Variants in NKAIN3 observed in about 807,000 individuals in gnomAD.
NKAIN3 encodes sodium/potassium transporting ATPase interacting 3.
Under a neutral mutation model 30.2 loss-of-function variants are expected in NKAIN3, and 25 were observed. That is an observed-to-expected ratio of 0.83 (90% CI 0.60 to 1.16). The LOEUF is 1.16. NKAIN3 is among the 50% of genes most tolerant of loss of function. NKAIN3 has a pLI of 0.00. For missense variants in NKAIN3, 225 were observed against 254.1 expected, an observed-to-expected ratio of 0.89 and a Z score of 0.78; for synonymous variants, 91 against 89.6, an observed-to-expected ratio of 1.02 and a Z score of -0.09.
intron 1 of NKAIN3, among the ~76,000 whole-genome samples, chr8:62,338,988 T>TTAAC (rs1347102391): frequency 6.6e-6 from 1 of 152,034 alleles, no homozygotes; most frequent in Non-Finnish European, 1.5e-5. Flanking sequence ...ATACTCAGTA[T>TTAAC]TAACCATCAC....
At chr8:62,502,711 T>G (rs140143665) in intron 1 of NKAIN3, among the ~76,000 whole-genome samples, 53 of 152,330 alleles carry the variant, frequency 3.5e-4, no homozygotes, top group African/African-American at 1.1e-3. Context: ...ATTTGTATTG[T>G]ATATACCAGT....
intron 4 of NKAIN3, among the ~76,000 whole-genome samples, chr8:62,871,486 G>A (rs1820644443): frequency 6.6e-6 from 1 of 151,682 alleles, no homozygotes; most frequent in Admixed American, 6.6e-5. Context: ...TGTGTGTGAT[G>A]AGAACACTTA....
At chr8:62,492,454 A>G (rs544153693) in intron 1 of NKAIN3, among the ~76,000 whole-genome samples, 9 of 152,198 alleles carry the variant, frequency 5.9e-5, no homozygotes, top group Admixed American at 3.3e-4. Context: ...ACTGGATACT[A>G]TATCTGTTGC....
intron 1 of NKAIN3, among the ~76,000 whole-genome samples, chr8:62,339,816 A>T (rs1218955079): frequency 6.6e-6 from 1 of 152,066 alleles, no homozygotes; most frequent in Non-Finnish European, 1.5e-5. Flanking sequence ...ATAATGTAAG[A>T]ACGGTGGGCT....
intron 4 of NKAIN3, among the ~76,000 whole-genome samples, chr8:62,812,073 C>T (rs1818504511): frequency 6.6e-6 from 1 of 151,816 alleles, no homozygotes; most frequent in Non-Finnish European, 1.5e-5. Context: ...CTAATAGTTC[C>T]CACACAATTT....
At chr8:62,936,337 T>C (rs1822789145) in intron 5 of NKAIN3, among the ~76,000 whole-genome samples, 1 of 152,136 alleles carries the variant, frequency 6.6e-6, no homozygotes, top group Non-Finnish European at 1.5e-5. Context: ...ACTCCCACTG[T>C]GGTCTCAGTT....
intron 1 of NKAIN3, among the ~76,000 whole-genome samples, chr8:62,258,862 T>C (rs1472895267): frequency 1.3e-5 from 2 of 151,936 alleles, no homozygotes; most frequent in East Asian, 1.9e-4. Context: ...ACCAAAATAG[T>C]GTGAGGAAGA....
At chr8:62,873,689 A>C (rs1820713001) in intron 4 of NKAIN3, among the ~76,000 whole-genome samples, 1 of 151,860 alleles carries the variant, frequency 6.6e-6, no homozygotes. Flanking sequence ...CTCACTCAAA[A>C]CCACACAATT....
intron 1 of NKAIN3, among the ~76,000 whole-genome samples, chr8:62,297,837 G>T (rs1267497838): frequency 1.3e-5 from 2 of 152,172 alleles, no homozygotes; most frequent in African/African-American, 2.4e-5. Flanking sequence ...ATACCCAAAG[G>T]ATTATAAATC....
chr8:62,661,749 G>A (rs372305038), intron 3 of NKAIN3, among the ~76,000 whole-genome samples: 29 of 152,290 alleles, frequency 1.9e-4, no homozygotes, highest in South Asian at 8.3e-4. Context: ...GGTCCTTGCT[G>A]TCCTCTGGCT....
At chr8:62,964,535 A>AGTGTGT (rs1224306701) in intron 6 of NKAIN3, among the ~76,000 whole-genome samples, 6 of 100,000 alleles carry the variant, frequency 6.0e-5, no homozygotes, top group African/African-American at 1.1e-4. Context: ...AGAGAGAGAG[A>AGTGTGT]GAGTGTGTGT....
intron 1 of NKAIN3, among the ~76,000 whole-genome samples, chr8:62,403,118 G>T (rs1230486576): frequency 6.6e-6 from 1 of 152,202 alleles, no homozygotes; most frequent in African/African-American, 2.4e-5. Flanking sequence ...GCTCTTCAAA[G>T]AGAATGGCAG....
At chr8:62,709,694 G>T (rs756601355) in intron 3 of NKAIN3, among the ~76,000 whole-genome samples, 9 of 151,840 alleles carry the variant, frequency 5.9e-5, no homozygotes, top group Non-Finnish European at 8.8e-5. Context: ...TTTATCTTTT[G>T]TATTTATTTT....
At chr8:62,737,769 G>C (rs535129038) in intron 3 of NKAIN3, among the ~76,000 whole-genome samples, 6 of 152,236 alleles carry the variant, frequency 3.9e-5, no homozygotes. Flanking sequence ...TATGGTGTTG[G>C]CTATAGTATG....
At chr8:62,570,136 G>A (rs1055661347) in intron 1 of NKAIN3, among the ~76,000 whole-genome samples, 1 of 151,938 alleles carries the variant, frequency 6.6e-6, no homozygotes, top group African/African-American at 2.4e-5. Context: ...TTTCCTTATT[G>A]TGAAGTTGAA....
At chr8:62,844,837 G>C (rs1023286064) in intron 4 of NKAIN3, among the ~76,000 whole-genome samples, 2 of 151,936 alleles carry the variant, frequency 1.3e-5, no homozygotes, top group Non-Finnish European at 2.9e-5. Flanking sequence ...CAGGACTATC[G>C]GGGGCAGAAA....
At chr8:62,519,199 G>A (rs1808082501) in intron 1 of NKAIN3, among the ~76,000 whole-genome samples, 2 of 152,174 alleles carry the variant, frequency 1.3e-5, no homozygotes, top group African/African-American at 4.8e-5. Context: ...AGTAACCAGA[G>A]ACTTGTATTT....
At chr8:62,421,762 A>G (rs1804649024) in intron 1 of NKAIN3, among the ~76,000 whole-genome samples, 1 of 152,066 alleles carries the variant, frequency 6.6e-6, no homozygotes, top group African/African-American at 2.4e-5. Flanking sequence ...CTTTATATTG[A>G]TACAATATAT....
intron 3 of NKAIN3, among the ~76,000 whole-genome samples, chr8:62,621,672 G>T (rs1811621857): frequency 6.6e-6 from 1 of 152,034 alleles, no homozygotes; most frequent in African/African-American, 2.4e-5. Context: ...TAATACAGAA[G>T]ATCTTGTGTA....
Sources: gnomAD v4.1 joint callset for allele counts (sites outside exome capture counted in the v4.1 genomes callset) on GRCh38, gnomAD v4.1.1 for gene constraint, MANE v1.5 for transcripts, NCBI Gene and HGNC (gene_info 2026-07-23, HGNC 2026-07-21) for gene names.